DIAPH2: variants seen among roughly 807,000 people sequenced by gnomAD.
DIAPH2 encodes diaphanous related formin 2, also known as protein diaphanous homolog 2.
Under a neutral mutation model 92.7 loss-of-function variants are expected in DIAPH2, and 35 were observed. The ratio of observed to expected loss-of-function variants is 0.38; its 90% confidence interval spans 0.29 to 0.50. The LOEUF is 0.50. DIAPH2 is among the 20% of genes least tolerant of loss of function. The pLI, the probability that DIAPH2 is intolerant of heterozygous loss-of-function variation, is 0.94. For synonymous variants in DIAPH2, 301 were observed against 280.4 expected, an observed-to-expected ratio of 1.07 and a Z score of -0.73; for missense variants, 701 against 819.5, an observed-to-expected ratio of 0.86 and a Z score of 1.77.
At chrX:96,813,909 G>A (rs2064708106) in intron 4 of DIAPH2, among the ~76,000 whole-genome samples, 1 of 111,903 alleles carries the variant, frequency 8.9e-6, no homozygotes, top group African/African-American at 3.2e-5. Flanking sequence ...AGTCTGATGG[G>A]CTTCCCTTTG....
chrX:97,098,338 A>T (rs914881038), intron 19 of DIAPH2, among the ~76,000 whole-genome samples: 1 of 111,732 alleles, frequency 8.9e-6, no homozygotes, highest in Non-Finnish European at 1.9e-5. Flanking sequence ...CTCTAAACCT[A>T]TTAAGCAATA....
intron 24 of DIAPH2, among the ~76,000 whole-genome samples, chrX:97,349,082 A>ATT (rs201110907): frequency 7.0e-5 from 6 of 86,105 alleles, no homozygotes; most frequent in African/African-American, 2.9e-4. Flanking sequence ...ATATATATAT[A>ATT]TTTTTTTTTT....
intron 22 of DIAPH2, among the ~76,000 whole-genome samples, chrX:97,241,468 T>A (rs2068093338): frequency 9.1e-6 from 1 of 110,320 alleles, no homozygotes. Context: ...CTGCTAATTT[T>A]TTTGTATTTT....
intron 26 of DIAPH2, among the ~76,000 whole-genome samples, chrX:97,583,278 T>C (rs1193264133): frequency 1.1e-4 from 12 of 110,752 alleles, no homozygotes; most frequent in East Asian, 2.9e-4. Flanking sequence ...AGTTTTTCTG[T>C]TCTGTTTTTT....
intron 22 of DIAPH2, among the ~76,000 whole-genome samples, chrX:97,232,132 C>T (rs2068013768): frequency 1.8e-5 from 2 of 111,116 alleles, no homozygotes; most frequent in African/African-American, 6.6e-5. Flanking sequence ...AGATCTCAAG[C>T]TCTGAATGTG....
intron 26 of DIAPH2, among the ~76,000 whole-genome samples, chrX:97,484,460 A>G (rs983319935): frequency 1.8e-5 from 2 of 112,435 alleles, no homozygotes; most frequent in Admixed American, 1.9e-4. Context: ...TACATAGTCA[A>G]TATTATTGAT....
At chrX:96,758,408 G>T in intron 4 of DIAPH2, 150 bp downstream of exon 4, 1 of 341,101 alleles carries the variant, frequency 2.9e-6, no homozygotes, top group Non-Finnish European at 5.0e-6. Context: ...TATACATTTA[G>T]TATTAAGTAT....
At chrX:97,350,374 A>G (rs2069200738) in intron 24 of DIAPH2, among the ~76,000 whole-genome samples, 1 of 111,241 alleles carries the variant, frequency 9.0e-6, no homozygotes, top group Non-Finnish European at 1.9e-5. Flanking sequence ...AGATCCTAAA[A>G]CACTGTCTGT....
At position 96,743,707 on chromosome X, in the gene DIAPH2, G is replaced by C. The variant is rs745862881; in HGVS notation, c.342+4945G>C. 3.6e-5 allele frequency among the ~76,000 whole-genome samples: 4 copies of C among 111,565 alleles called. No individual in the cohort carries two copies. In the South Asian group the frequency reaches 1.5e-3, roughly 43 times the overall value. ...CTAGGGTAATTGGGCAGTGGGGAGA[G>C]GGGTAGGTTGAGGAGATAGTGGTCA... is the stretch of plus-strand genomic sequence containing the variant. On this transcript the variant is annotated intron_variant, in intron 3 of 26. Transcript: ENST00000324765.
intron 23 of DIAPH2, among the ~76,000 whole-genome samples, chrX:97,254,492 CAAAAAAAA>C (rs1172020847): frequency 3.4e-5 from 1 of 29,060 alleles, no homozygotes; most frequent in Non-Finnish European, 6.5e-5. Context: ...AACTCTGTCT[CAAAAAAAA>C]AAAAAAAAAA....
At chrX:97,436,300 T>C (rs1352683238) in intron 26 of DIAPH2, among the ~76,000 whole-genome samples, 1 of 111,454 alleles carries the variant, frequency 9.0e-6, no homozygotes, top group African/African-American at 3.3e-5. Context: ...GACTGGATTT[T>C]GATATATAGT....
chrX:96,810,384 ATTTG>A (rs1414490776), intron 4 of DIAPH2, among the ~76,000 whole-genome samples: 2 of 111,407 alleles, frequency 1.8e-5, no homozygotes, highest in Non-Finnish European at 3.8e-5. Context: ...TTTCTTGTAA[ATTTG>A]TTTGAGTTCT....
chrX:97,563,273 T>C (rs1351340959), intron 26 of DIAPH2, among the ~76,000 whole-genome samples: 5 of 111,972 alleles, frequency 4.5e-5, no homozygotes, highest in Non-Finnish European at 7.5e-5. Flanking sequence ...TTGGAGGGAA[T>C]GATGACAATG....
At chrX:97,562,791 G>C (rs1251586161) in intron 26 of DIAPH2, among the ~76,000 whole-genome samples, 1 of 111,736 alleles carries the variant, frequency 8.9e-6, no homozygotes, top group Non-Finnish European at 1.9e-5. Context: ...GTTTTTCTAG[G>C]CTATAGATGA....
chrX:97,366,868 CA>C (rs1386213451), intron 24 of DIAPH2, among the ~76,000 whole-genome samples: 2 of 111,365 alleles, frequency 1.8e-5, no homozygotes, highest in African/African-American at 3.3e-5. Flanking sequence ...ATTATAGTGT[CA>C]TATTTTATTT....
chrX:97,519,818 C>T (rs2070978123), intron 26 of DIAPH2, among the ~76,000 whole-genome samples: 1 of 111,011 alleles, frequency 9.0e-6, no homozygotes, highest in Admixed American at 9.6e-5. Context: ...CTCCTCCCCC[C>T]AGGGTCAAGC....
At chrX:97,253,469 C>T (rs2068207983) in intron 23 of DIAPH2, among the ~76,000 whole-genome samples, 1 of 109,915 alleles carries the variant, frequency 9.1e-6, no homozygotes, top group South Asian at 3.9e-4. Flanking sequence ...AGTAGTAGGC[C>T]GGGCACAGTG....
rs766571891 is a variant in DIAPH2, at chrX:97,298,218, G to C, written c.2845-49898G>C. On this transcript the variant is annotated intron_variant, in intron 23 of 26. Transcript: ENST00000324765. Reference sequence around the variant, plus strand: ...TGAAATTTGAATAAATAGCAAAAACGGTATAAGTTTTTCAGGTTTTTTTTT... The same window carrying C: ...TGAAATTTGAATAAATAGCAAAAACCGTATAAGTTTTTCAGGTTTTTTTTT... 2.4e-4 allele frequency among the ~76,000 whole-genome samples: 25 copies of C among 105,977 alleles called. No homozygotes were observed. In the East Asian group the frequency reaches 6.9e-3, roughly 29 times the overall value. 92.0% of individuals were successfully genotyped at this position (105,977 alleles called of 115,157 possible). A position where few individuals can be genotyped will look rare whatever the true frequency, so the allele number is the denominator to read the frequency against.
At chrX:96,751,937 G>A in intron 3 of DIAPH2, among the ~76,000 whole-genome samples, 1 of 99,021 alleles carries the variant, frequency 1.0e-5, no homozygotes, top group South Asian at 4.3e-4. Context: ...ACAGGCGTGA[G>A]CCACCGCGCC....
Sources: allele counts gnomAD v4.1 joint callset (sites outside exome capture counted in the v4.1 genomes callset), GRCh38; gene constraint gnomAD v4.1.1; transcripts MANE v1.5; gene names NCBI Gene and HGNC (gene_info 2026-07-23, HGNC 2026-07-21).